Variants in CCDC187 observed in about 807,000 individuals in gnomAD.
CCDC187 encodes the protein coiled-coil domain-containing protein 187.
CCDC187 carries 32 observed loss-of-function variants against 38.0 expected under a neutral mutation model. The observed-to-expected ratio is 0.84, with a 90% CI of 0.64 to 1.13. The LOEUF is 1.13. Among genes scored for constraint, CCDC187 ranks in the 50% most tolerant of loss-of-function variants. CCDC187 has a pLI of 0.00. For missense variants in CCDC187, 707 were observed against 786.8 expected, an observed-to-expected ratio of 0.90 and a Z score of 1.21; for synonymous variants, 333 against 347.9, an observed-to-expected ratio of 0.96 and a Z score of 0.48.
At chr9:136,287,125 G>A (rs1193524798) in intron 7 of CCDC187, among the ~76,000 whole-genome samples, 1 of 152,182 alleles carries the variant, frequency 6.6e-6, no homozygotes, top group Non-Finnish European at 1.5e-5. Flanking sequence ...TCCATCGAGG[G>A]ACGAACGGAG....
chr9:136,286,270 G>T lies in CCDC187; in HGVS notation c.2648C>A (p.Pro883Gln). The change falls in exon 8 of 26, where the codon CCA (proline) becomes CAA (glutamine). Residue 883 changes from proline (P) to glutamine (Q), a missense_variant. By Grantham distance (76) the Pro-to-Gln change is moderately conservative. Coordinates refer to ENST00000638797, the MANE Select transcript of CCDC187 (RefSeq NM_001378188.1). ...PTLATPTLATPACPGALGPNW... is the reference protein window; with the variant it reads ...PTLATPTLATQACPGALGPNW... The stretch of plus-strand genomic sequence containing the variant: ...GGGCCCCAAGGCTCCAGGGCAGGCT[G>T]GGGTGGCAAGCGTGGGGGTGGCGAG... 2.5e-6 allele frequency: 1 copy of T among 398,656 alleles called. No homozygotes were observed. The highest frequency in any genetic ancestry group is 4.4e-6 in the Non-Finnish European group (1 of 226,090). The allele number at this position is 398,656 out of a possible 1,614,324, so 24.7% of individuals were successfully genotyped here.
rs1446417912 is a variant in CCDC187, at chr9:136,258,750, G to A, written c.4366+182C>T. ...CGCTGCGTCACCTCCGGTAGGAGAT[G>A]GAGCCGGCCACTCTTCTTGCAGTGA... On this transcript the variant is annotated intron_variant, in intron 22 of 25. Coordinates refer to ENST00000638797, the MANE Select transcript of CCDC187 (RefSeq NM_001378188.1). The surrounding 1 kb of genome is among the most constrained non-coding windows in gnomAD (Gnocchi z 4.3). 16 of 985,370 alleles carry A rather than the reference G, an allele frequency of 1.6e-5. No homozygotes were observed. Among genetic ancestry groups the A allele is most frequent in the Non-Finnish European group, 1.7e-5 (14 of 829,948 alleles). The allele number at this position is 985,370 out of a possible 1,614,324, so 61.0% of individuals were successfully genotyped here. A position where few individuals can be genotyped will look rare whatever the true frequency, so the allele number is the denominator to read the frequency against.
intron 10 of CCDC187, among the ~76,000 whole-genome samples, chr9:136,276,961 G>A (rs1385332440): frequency 1.3e-5 from 2 of 152,044 alleles, no homozygotes; most frequent in African/African-American, 4.8e-5. Context: ...GAGGGCTGCA[G>A]CCCCACGGAA....
Position 136,286,436 on chromosome 9 carries a change from C to T in CCDC187, c.2482G>A (p.Glu828Lys). ...RHKQAQLQAL[E>K]TTAKVLKQRV... ...TGCTTGAGGACTTTGGCTGTGGTCT[C>T]TAGCGCCTGCAGCTGCGCCTGCTTA... The change falls in exon 8 of 26, where the codon GAG (glutamate) becomes AAG (lysine). Residue 828 changes from glutamate (E) to lysine (K), a missense_variant. Coordinates refer to ENST00000638797, the MANE Select transcript of CCDC187 (RefSeq NM_001378188.1). 1 of 398,728 alleles carries T rather than the reference C, an allele frequency of 2.5e-6. No individual in the cohort carries two copies. Among genetic ancestry groups the T allele is most frequent in the East Asian group, 3.6e-5 (1 of 28,080 alleles). 24.7% of individuals were successfully genotyped at this position (398,728 alleles called of 1,614,324 possible).
chr9:136,269,042 CAA>C (rs2131178644), intron 14 of CCDC187, among the ~76,000 whole-genome samples: 1 of 152,290 alleles, frequency 6.6e-6, no homozygotes, highest in South Asian at 2.1e-4. Flanking sequence ...TGAGATGTAT[CAA>C]GTGTCCCTCT....
rs1830628872 is a variant in CCDC187 at position 136,257,523 on chromosome 9, G to C, written c.4367-682C>G. Reference sequence around the variant, plus strand: ...CAGGGGTGGTGCAGAGGGCCGGTGGGGGGCAGGCCTCGGACACAGCAAGGC... The same window carrying C: ...CAGGGGTGGTGCAGAGGGCCGGTGGCGGGCAGGCCTCGGACACAGCAAGGC... On this transcript the variant is annotated intron_variant, in intron 22 of 25. Transcript: ENST00000638797. This position sits in a 1 kb window ranked among gnomAD's most constrained non-coding sequence, Gnocchi z 4.5. Among the ~76,000 whole-genome samples, 1 of 152,122 alleles carries C rather than the reference G, an allele frequency of 6.6e-6. No individual in the cohort carries two copies. Among genetic ancestry groups the C allele is most frequent in the Non-Finnish European group, 1.5e-5 (1 of 68,032 alleles).
intron 14 of CCDC187, among the ~76,000 whole-genome samples, chr9:136,271,915 C>G (rs548458937): frequency 6.6e-6 from 1 of 152,124 alleles, no homozygotes; most frequent in Non-Finnish European, 1.5e-5. Context: ...CTGAGAAAGT[C>G]AAAAGCAGCC....
chr9:136,301,310 TA>T (rs1326019084), intron 2 of CCDC187, among the ~76,000 whole-genome samples: 1 of 149,360 alleles, frequency 6.7e-6, no homozygotes, highest in Non-Finnish European at 1.5e-5. Flanking sequence ...TGCACTGCCT[TA>T]AAAAAACAAA....
At chr9:136,275,461 C>T (rs1254690030) in intron 12 of CCDC187, among the ~76,000 whole-genome samples, 1 of 151,670 alleles carries the variant, frequency 6.6e-6, no homozygotes, top group Non-Finnish European at 1.5e-5. Flanking sequence ...CACACGTGCA[C>T]ACACACCCAC....
chr9:136,287,352 G>C (rs2131287312), intron 7 of CCDC187, among the ~76,000 whole-genome samples: 2 of 152,120 alleles, frequency 1.3e-5, no homozygotes, highest in East Asian at 3.8e-4. Flanking sequence ...AGTTTCATTT[G>C]TCTTACCTGA....
In CCDC187 at chr9:136,264,510, T is replaced by C. The variant is rs1159252449; in HGVS notation, c.3736-712A>G. ...CCTTTTGTTTCCCCGGCTCACGTTG[T>C]TCTCTGTGGTGCCTGCCTTTTCCTG... On this transcript the variant is annotated intron_variant, in intron 17 of 25. Transcript: ENST00000638797. The surrounding 1 kb of genome is among the most constrained non-coding windows in gnomAD (Gnocchi z 4.3). Among the ~76,000 whole-genome samples the C allele has an allele frequency of 1.3e-5, 2 of 152,150 alleles. No individual in the cohort carries two copies. The highest frequency in any genetic ancestry group is 2.4e-5 in the African/African-American group (1 of 41,424).
chr9:136,300,599 CTTT>C (rs878935448), intron 2 of CCDC187, among the ~76,000 whole-genome samples: 6 of 142,488 alleles, frequency 4.2e-5, no homozygotes, highest in Non-Finnish European at 7.6e-5. Context: ...TTTCAAAAGA[CTTT>C]TTTTTTTTTT....
At position 136,286,587 on chromosome 9, in the gene CCDC187, T is replaced by A. The variant is rs1211452395; in HGVS notation, c.2331A>T (p.Ser777=). ...GRDAPVLLSA[S]PSLGSLELQD... is the part of the protein sequence containing the mutation. ...GGAGCTCCAGGGATCCCAGAGAGGGTGAAGCTGACAGCAGCACGGGGGCAT... is the reference window on the plus strand; with the variant it reads ...GGAGCTCCAGGGATCCCAGAGAGGGAGAAGCTGACAGCAGCACGGGGGCAT... The change falls in exon 8 of 26, where the codon TCA becomes TCT. Residue 777 remains serine, a synonymous_variant. Transcript: ENST00000638797. 2 of 398,388 alleles carry A rather than the reference T, an allele frequency of 5.0e-6. No homozygotes were observed. Among genetic ancestry groups the A allele is most frequent in the South Asian group, 1.3e-4 (1 of 7,846 alleles). The allele number at this position is 398,388 out of a possible 1,614,324, so 24.7% of individuals were successfully genotyped here.
chr9:136,299,622 C>G lies in CCDC187; in HGVS notation c.724+598G>C, dbSNP rs1057225038. Among the ~76,000 whole-genome samples the G allele has an allele frequency of 2.5e-3, 383 of 152,318 alleles. 2 individuals are homozygous for G. Among genetic ancestry groups the G allele is most frequent in the African/African-American group, 8.9e-3 (369 of 41,578 alleles). On this transcript the variant is annotated intron_variant, in intron 3 of 25. Transcript: ENST00000638797. ...CTAGACCTTAATGGCTCCCATTGCCCGGGATGAAGGCCACATCCTCCAGCC... is the reference window on the plus strand; with the variant it reads ...CTAGACCTTAATGGCTCCCATTGCCGGGGATGAAGGCCACATCCTCCAGCC...
rs111377826 is a variant in CCDC187 at position 136,254,694 on chromosome 9, C to T, written c.5134G>A (p.Ala1712Thr). The change falls in exon 26 of 26, where the codon GCC becomes ACC. Residue 1712 changes from alanine to threonine, a missense_variant. Transcript: ENST00000638797. ...AAGGAGGAGCCACGCAGGGGGCCGG[C>T]CCTGCGGCCCTGGGGCCTCTGCCAG... The part of the protein sequence containing the change: ...VTWQRPQGRR[A>T]GPLRGSSLDT... 1.0e-6 allele frequency: 1 copy of T among 985,332 alleles called. No individual in the cohort carries two copies. The highest frequency in any genetic ancestry group is 1.2e-6 in the Non-Finnish European group (1 of 829,966). The allele number at this position is 985,332 out of a possible 1,614,324, so 61.0% of individuals were successfully genotyped here.
chr9:136,262,195 C>T (rs1284665122), intron 19 of CCDC187, 116 bp downstream of exon 19: 6 of 924,318 alleles, frequency 6.5e-6, no homozygotes, highest in Non-Finnish European at 7.7e-6. Flanking sequence ...GCTACACGTG[C>T]CACCCCGGCC....
chr9:136,269,017 C>G (rs1830795574), intron 14 of CCDC187, among the ~76,000 whole-genome samples: 1 of 152,140 alleles, frequency 6.6e-6, no homozygotes, highest in South Asian at 2.1e-4. Flanking sequence ...GAGAGTCGCA[C>G]AGAGAGAGGA....
chr9:136,256,477 T>C (rs1334944624), intron 23 of CCDC187, among the ~76,000 whole-genome samples, 154 bp from the exon 24 acceptor site: 1 of 151,860 alleles, frequency 6.6e-6, no homozygotes, highest in Non-Finnish European at 1.5e-5. Flanking sequence ...CTTGCCAGAT[T>C]CCCCTCCTCC....
intron 19 of CCDC187, among the ~76,000 whole-genome samples, chr9:136,261,223 A>C (rs1554760954): frequency 6.6e-6 from 1 of 152,022 alleles, no homozygotes; most frequent in East Asian, 1.9e-4. Context: ...GCTTCTCTCG[A>C]ACGGCCCAAT....
Sources: gnomAD v4.1 joint callset for allele counts (sites outside exome capture counted in the v4.1 genomes callset) on GRCh38, gnomAD v4.1.1 for gene constraint, Gnocchi (gnomAD v3.1) non-coding constraint, MANE v1.5 for transcripts, NCBI Gene and HGNC (gene_info 2026-07-23, HGNC 2026-07-21) for gene names.